Variants in PRR35 observed in about 807,000 individuals in gnomAD.
PRR35 encodes the protein proline-rich protein 35.
PRR35 carries 14 observed loss-of-function variants against 18.6 expected under a neutral mutation model. The observed-to-expected ratio is 0.75, with a 90% CI of 0.50 to 1.18. The LOEUF (loss-of-function observed/expected upper bound fraction) is 1.18, where lower values mean the gene tolerates loss of function less well. PRR35 is among the 50% of genes most tolerant of loss of function. The pLI, the probability that PRR35 is intolerant of heterozygous loss-of-function variation, is 0.00. For synonymous variants in PRR35, 425 were observed against 378.2 expected (o/e 1.12, Z -1.43); for missense variants, 832 against 792.2 (o/e 1.05, Z -0.60).
At position 563,749 on chromosome 16, in the gene PRR35, C is replaced by T. The variant is rs373880696; in HGVS notation, c.455C>T (p.Pro152Leu). The part of the protein sequence containing the change: ...PPVARATRKG[P>L]GPSGLLPESW... Reference sequence around the variant, plus strand: ...GTGGCTAGGGCCACCCGGAAGGGTCCCGGCCCCAGTGGGCTCCTGCCTGAG... The same window carrying T: ...GTGGCTAGGGCCACCCGGAAGGGTCTCGGCCCCAGTGGGCTCCTGCCTGAG... The change falls in exon 2 of 3, where the codon CCC (proline) becomes CTC (leucine). Residue 152 changes from proline (P) to leucine (L), a missense_variant. Physicochemically the swap from Pro to Leu is moderately conservative, Grantham distance 98 (BLOSUM62 -3). Transcript: ENST00000409413. 3 of 1,515,976 alleles carry T rather than the reference C, an allele frequency of 2.0e-6. No individual in the cohort carries two copies. Among genetic ancestry groups the T allele is most frequent in the East Asian group, 4.8e-5 (2 of 41,290 alleles). 93.9% of individuals were successfully genotyped at this position (1,515,976 alleles called of 1,614,324 possible). A position where few individuals can be genotyped will look rare whatever the true frequency, so the allele number is the denominator to read the frequency against.
chr16:565,320 G>A lies in PRR35; in HGVS notation c.*13G>A, dbSNP rs1350117773. The A allele has an allele frequency of 2.0e-6, 3 of 1,472,670 alleles. No homozygotes were observed. The highest frequency in any genetic ancestry group is 2.5e-5 in the Admixed American group (1 of 40,128). 91.2% of individuals were successfully genotyped at this position (1,472,670 alleles called of 1,614,324 possible). On this transcript the variant is annotated 3_prime_UTR_variant, in exon 3 of 3. Coordinates refer to ENST00000409413, the MANE Select transcript of PRR35 (RefSeq NM_145270.3). ...CGCCGAGGTCTGACCTGCAGCGCCT[G>A]AGGTCTGACTGTCTCTGCCTGCAGC...
chr16:564,861 C>A lies in PRR35; in HGVS notation c.1270C>A (p.Gln424Lys), dbSNP rs2035505972. 1.3e-6 allele frequency: 2 copies of A among 1,564,120 alleles called. No homozygotes were observed. Among genetic ancestry groups the A allele is most frequent in the Non-Finnish European group, 1.7e-6 (2 of 1,159,390 alleles). Residue 424 changes from glutamine (Q) to lysine (K), a missense_variant, in exon 3 of 3, where the codon CAG becomes AAG. Around this residue, in one of 3 missense-constraint regions of PRR35, gnomAD observed 768 missense variants for 704.1 expected, o/e 1.09. Coordinates refer to ENST00000409413, the MANE Select transcript of PRR35 (RefSeq NM_145270.3). ...CGCCAGGGTGGAGCAGCGCCTGGGA[C>A]AGTTGGGGCCCGCGGGGGGCCTGGC... is the stretch of plus-strand genomic sequence containing the variant. The part of the protein sequence containing the change: ...DYARVEQRLG[Q>K]LGPAGGLAPR...
chr16:564,910 T>G lies in PRR35; in HGVS notation c.1319T>G (p.Leu440Arg). The change falls in exon 3 of 3, where the codon CTG (leucine) becomes CGG (arginine). Residue 440 changes from leucine to arginine, a missense_variant. Leu to Arg is a moderately radical substitution (Grantham distance 102). Transcript: ENST00000409413. Reference protein sequence around the residue: ...GLAPRPLREQLGKIRLELLTI... With the variant: ...GLAPRPLREQRGKIRLELLTI... The stretch of plus-strand genomic sequence containing the variant: ...GCCCCGAGACCCCTGCGGGAGCAGC[T>G]GGGCAAGATCCGCCTGGAGCTGCTC... The G allele has an allele frequency of 6.3e-7, 1 of 1,595,484 alleles. No homozygotes were observed. Among genetic ancestry groups the G allele is most frequent in the South Asian group, 1.1e-5 (1 of 88,966 alleles).
rs113099841 is a variant in PRR35 at position 565,076 on chromosome 16, G to A, written c.1485G>A (p.Gly495=). The A allele has an allele frequency of 6.3e-7, 1 of 1,592,608 alleles. No homozygotes were observed. Among genetic ancestry groups the A allele is most frequent in the African/African-American group, 1.3e-5 (1 of 74,292 alleles). Residue 495 remains glycine, a synonymous_variant, in exon 3 of 3, where the codon GGG becomes GGA. Transcript: ENST00000409413. ...GRPELGPVLT[G]GTPEPPGMLG... ...CCGAGCTGGGTCCCGTGTTGACCGG[G>A]GGCACCCCCGAGCCACCCGGCATGC...
intron 1 of PRR35, among the ~76,000 whole-genome samples, chr16:561,442 A>T (rs899303071): frequency 4.6e-5 from 7 of 151,580 alleles, no homozygotes; most frequent in Non-Finnish European, 2.9e-5. Flanking sequence ...TGTCATCCAC[A>T]TGGGTGGGGG....
In PRR35 at chr16:564,230, G is replaced by T; in HGVS notation, c.936G>T (p.Trp312Cys). The T allele has an allele frequency of 6.4e-7, 1 of 1,571,270 alleles. No homozygotes were observed. Among genetic ancestry groups the T allele is most frequent in the South Asian group, 1.2e-5 (1 of 86,756 alleles). ...TGCCAGTTCCAGGGCTGGGGCCCTG[G>T]CCCCGAGTCACCCCCAGGGACCCAG... ...LKVPVPGLGP[W>C]PRVTPRDPGQ... Residue 312 changes from tryptophan to cysteine, a missense_variant, in exon 2 of 3, where the codon TGG (tryptophan) becomes TGT (cysteine). Physicochemically the swap from Trp to Cys is radical, Grantham distance 215. This residue lies in a region of PRR35 where 768 missense variants were observed against 704.1 expected (regional missense o/e 1.09). Transcript: ENST00000409413.
chr16:561,721 G>A (rs2035438439), intron 1 of PRR35: 18 of 984,982 alleles, frequency 1.8e-5, no homozygotes, highest in Non-Finnish European at 1.8e-5. Context: ...TTTGGGGGCA[G>A]CAGACAGCAG....
In PRR35 at chr16:563,890, C is replaced by G. The variant is rs780686063; in HGVS notation, c.596C>G (p.Pro199Arg). 6.3e-7 allele frequency: 1 copy of G among 1,582,194 alleles called. No homozygotes were observed. The highest frequency in any genetic ancestry group is 1.8e-5 in the Admixed American group (1 of 56,198). The change falls in exon 2 of 3, where the codon CCT becomes CGT. Residue 199 changes from proline (P) to arginine (R), a missense_variant. This residue lies in a region of PRR35 where 768 missense variants were observed against 704.1 expected (regional missense o/e 1.09). Transcript: ENST00000409413. Reference protein sequence around the residue: ...CYPPPAPGEFPEAHSLHLSLL... With the variant: ...CYPPPAPGEFREAHSLHLSLL... ...CCCCCGCCTGCCCCAGGGGAGTTCCCTGAGGCCCACAGCCTCCACCTGTCT... is the reference window on the plus strand; with the variant it reads ...CCCCCGCCTGCCCCAGGGGAGTTCCGTGAGGCCCACAGCCTCCACCTGTCT...
intron 1 of PRR35, among the ~76,000 whole-genome samples, chr16:562,944 T>C (rs923708799): frequency 2.6e-5 from 4 of 152,132 alleles, no homozygotes; most frequent in Admixed American, 2.0e-4. Context: ...AACACCTTTC[T>C]AGTGTGCCTT....
Sources: gnomAD v4.1 joint callset for allele counts (sites outside exome capture counted in the v4.1 genomes callset) on GRCh38, gnomAD v4.1.1 for gene constraint, gnomAD v4.1.1 regional missense constraint, MANE v1.5 for transcripts, NCBI Gene and HGNC (gene_info 2026-07-23, HGNC 2026-07-21) for gene names.